The following OTUD7B variants were observed in gnomAD, a reference collection of about 807,000 sequenced individuals.
The protein encoded by OTUD7B is OTU domain-containing protein 7B.
OTUD7B carries 34 observed loss-of-function variants against 82.2 expected under a neutral mutation model. The observed-to-expected ratio is 0.41, with a 90% CI of 0.31 to 0.55. The LOEUF is 0.55. OTUD7B is among the 20% of genes least tolerant of loss of function. The pLI, the probability that OTUD7B is intolerant of heterozygous loss-of-function variation, is 0.20. For synonymous variants in OTUD7B, 398 were observed against 402.7 expected (o/e 0.99, Z 0.14); for missense variants, 944 against 1,062.1 (o/e 0.89, Z 1.55).
the OTUD7B span, among the ~76,000 whole-genome samples, chr1:150,063,254 C>G: frequency 6.6e-6 from 1 of 151,980 alleles, no homozygotes; most frequent in African/African-American, 2.4e-5. Context: ...GAGTTCGAGA[C>G]CAGCCTGGCC....
chr1:150,062,458 G>A, the OTUD7B span, among the ~76,000 whole-genome samples: 4 of 151,992 alleles, frequency 2.6e-5, no homozygotes, highest in East Asian at 1.9e-4. Flanking sequence ...CATTTTCAGC[G>A]AATTCCCTTT....
chr1:149,960,412 GT>G (rs1274134696), intron 6 of OTUD7B, among the ~76,000 whole-genome samples: 3,603 of 112,596 alleles, frequency 0.032, 486 homozygotes, highest in African/African-American at 0.06. Flanking sequence ...TTTTTTTTTT[GT>G]AGACAGAGTC....
chr1:149,948,149 T>C (rs1647895359), intron 10 of OTUD7B, among the ~76,000 whole-genome samples: 1 of 150,410 alleles, frequency 6.6e-6, no homozygotes, highest in Non-Finnish European at 1.5e-5. Context: ...CTGGCTAATT[T>C]TGTATTTTTA....
At chr1:150,016,081 G>T in the OTUD7B span, among the ~76,000 whole-genome samples, 1 of 152,170 alleles carries the variant, frequency 6.6e-6, no homozygotes. Flanking sequence ...TGGGTCTTTG[G>T]TGCCCTGCTG....
At chr1:149,987,176 C>T (rs1300709512) in intron 1 of OTUD7B, among the ~76,000 whole-genome samples, 1 of 152,226 alleles carries the variant, frequency 6.6e-6, no homozygotes, top group Non-Finnish European at 1.5e-5. Flanking sequence ...CCCAAGGCAA[C>T]ACAGGTAAAA....
At chr1:149,994,271 C>T (rs1553782849) in intron 1 of OTUD7B, among the ~76,000 whole-genome samples, 1 of 152,060 alleles carries the variant, frequency 6.6e-6, no homozygotes, top group Non-Finnish European at 1.5e-5. Context: ...ATATCATAGG[C>T]AATTATCTCA....
chr1:149,959,096 T>C (rs1648945972), intron 7 of OTUD7B, among the ~76,000 whole-genome samples: 1 of 151,682 alleles, frequency 6.6e-6, no homozygotes, highest in African/African-American at 2.4e-5. Context: ...GTGGCATGCA[T>C]CTGTAGTCCC....
At chr1:150,054,438 C>G in the OTUD7B span, 1 of 532,784 alleles carries the variant, frequency 1.9e-6, no homozygotes, top group East Asian at 4.9e-5. Flanking sequence ...CACCAGAAAT[C>G]TGTCATTGCC....
At chr1:150,062,868 C>T in the OTUD7B span, among the ~76,000 whole-genome samples, 10 of 151,784 alleles carry the variant, frequency 6.6e-5, no homozygotes, top group African/African-American at 9.7e-5. Flanking sequence ...GCATGCACCA[C>T]CACGCCCGGC....
At chr1:149,946,505 G>A (rs1423663497) in intron 11 of OTUD7B, among the ~76,000 whole-genome samples, 1 of 152,096 alleles carries the variant, frequency 6.6e-6, no homozygotes, top group Non-Finnish European at 1.5e-5. Flanking sequence ...ACTTTGGGAG[G>A]CCAAGGTGGG....
At chr1:150,044,212 A>T in the OTUD7B span, among the ~76,000 whole-genome samples, 8 of 151,830 alleles carry the variant, frequency 5.3e-5, no homozygotes, top group African/African-American at 1.9e-4. Context: ...GGTTTATTTT[A>T]TTTTTTATTT....
intron 1 of OTUD7B, among the ~76,000 whole-genome samples, chr1:149,995,699 AT>A (rs587732116): frequency 1.3e-5 from 2 of 151,986 alleles, no homozygotes; most frequent in East Asian, 1.9e-4. Context: ...AGTCTTCAGC[AT>A]TTTTTTTATG....
chr1:150,059,239 G>C, the OTUD7B span, among the ~76,000 whole-genome samples: 1 of 124,648 alleles, frequency 8.0e-6, no homozygotes, highest in Non-Finnish European at 1.6e-5. Context: ...GTTTTTACTA[G>C]AGACAGGGTT....
the OTUD7B span, among the ~76,000 whole-genome samples, chr1:150,038,065 C>T: frequency 9.3e-4 from 141 of 152,010 alleles, no homozygotes; most frequent in Non-Finnish European, 1.6e-3. Context: ...TGCTGTGTTG[C>T]CCAGGCTGGT....
the OTUD7B span, chr1:150,054,182 A>G: frequency 5.3e-5 from 21 of 394,702 alleles, no homozygotes; most frequent in Non-Finnish European, 4.7e-5. Flanking sequence ...GCAGGTGGTT[A>G]AACTTTGCAA....
Position 149,943,910 on chromosome 1 carries a change from G to T in OTUD7B, c.2479C>A (p.Leu827Met). 1 of 1,614,214 alleles carries T rather than the reference G, an allele frequency of 6.2e-7. No homozygotes were observed. The highest frequency in any genetic ancestry group is 8.5e-7 in the Non-Finnish European group (1 of 1,180,038). The change falls in exon 12 of 12, where the codon CTG becomes ATG. Residue 827 changes from leucine (L) to methionine (M), a missense_variant. Leu to Met is a conservative substitution (Grantham distance 15). Transcript: ENST00000581312. ...NFCSCCYREELRRREREPDGE... is the reference protein window; with the variant it reads ...NFCSCCYREEMRRREREPDGE... ...TCCGGTTCCCGCTCCCTCCTCCTCA[G>T]TTCTTCCCTGTAACAACAGGAACAG...
At chr1:150,004,993 G>C (rs1652570912) in intron 1 of OTUD7B, among the ~76,000 whole-genome samples, 1 of 152,074 alleles carries the variant, frequency 6.6e-6, no homozygotes, top group South Asian at 2.1e-4. Context: ...CTCCTGAGTA[G>C]CTGGGATTAC....
intron 1 of OTUD7B, among the ~76,000 whole-genome samples, chr1:149,981,373 T>C (rs377615113): frequency 3.9e-5 from 6 of 152,220 alleles, no homozygotes; most frequent in African/African-American, 1.4e-4. Context: ...TTTGCTATAA[T>C]GTCTACTTTA....
chr1:149,964,180 G>C, intron 6 of OTUD7B, 42 bp downstream of exon 6: 1 of 1,603,410 alleles, frequency 6.2e-7, no homozygotes, highest in Non-Finnish European at 8.5e-7. Context: ...TGGCAGCTTG[G>C]TAACTTTAGG....
Sources: allele counts gnomAD v4.1 joint callset (sites outside exome capture counted in the v4.1 genomes callset), GRCh38; gene constraint gnomAD v4.1.1; transcripts MANE v1.5; gene names NCBI Gene and HGNC (gene_info 2026-07-23, HGNC 2026-07-21).